CLIC5: variants seen among roughly 807,000 people sequenced by gnomAD.
The protein encoded by CLIC5 is chloride intracellular channel protein 5.
A neutral mutation model predicts 24.7 loss-of-function variants in CLIC5; 20 were observed. The ratio of observed to expected loss-of-function variants is 0.81; its 90% confidence interval spans 0.57 to 1.18. The LOEUF is 1.18. CLIC5 is among the 50% of genes most tolerant of loss of function. The pLI, the probability that CLIC5 is intolerant of heterozygous loss-of-function variation, is 0.00. For missense variants in CLIC5, 341 were observed against 326.1 expected (o/e 1.05, Z -0.35); for synonymous variants, 159 against 135.6 (o/e 1.17, Z -1.20).
chr6:46,040,793 AGCAGTTGTG>A (rs1767786971), intron 1 of CLIC5, among the ~76,000 whole-genome samples: 1 of 152,190 alleles, frequency 6.6e-6, no homozygotes, highest in Non-Finnish European at 1.5e-5. Flanking sequence ...TAGCAGTTGT[AGCAGTTGTG>A]GCAGTTGTAG....
the CLIC5 span, among the ~76,000 whole-genome samples, chr6:46,114,630 C>G: frequency 1.9e-4 from 29 of 152,184 alleles, no homozygotes; most frequent in East Asian, 5.4e-3. Context: ...CCAGACCTCC[C>G]TTTTTTCAAG....
chr6:45,964,397 T>G (rs1581798424), intron 1 of CLIC5, among the ~76,000 whole-genome samples: 1 of 152,194 alleles, frequency 6.6e-6, no homozygotes, highest in East Asian at 1.9e-4. Context: ...ATTTCCCTTC[T>G]TCTTAAAATA....
chr6:46,033,594 A>T (rs1005761179), intron 1 of CLIC5, among the ~76,000 whole-genome samples: 5 of 152,230 alleles, frequency 3.3e-5, no homozygotes, highest in African/African-American at 1.2e-4. Context: ...TAATGGGCCC[A>T]CACATGGGAA....
intron 4 of CLIC5, among the ~76,000 whole-genome samples, chr6:45,924,625 G>A (rs1369690576): frequency 6.6e-6 from 1 of 152,138 alleles, no homozygotes; most frequent in Non-Finnish European, 1.5e-5. Flanking sequence ...AAAATAGTGT[G>A]TCCTTTTTGG....
chr6:46,027,452 G>T (rs960012902), intron 1 of CLIC5, among the ~76,000 whole-genome samples: 2 of 152,138 alleles, frequency 1.3e-5, no homozygotes, highest in Non-Finnish European at 2.9e-5. Context: ...TCTACACTGT[G>T]GGATCACATT....
chr6:46,072,930 C>A (rs185867843), intron 1 of CLIC5, among the ~76,000 whole-genome samples: 141 of 152,282 alleles, frequency 9.3e-4, no homozygotes, highest in African/African-American at 3.2e-3. Context: ...CCTTCTGAAG[C>A]ATATTCATGA....
At chr6:45,950,943 T>A (rs1270819073) in intron 2 of CLIC5, among the ~76,000 whole-genome samples, 3 of 152,212 alleles carry the variant, frequency 2.0e-5, no homozygotes, top group Admixed American at 2.0e-4. Flanking sequence ...TGCCTATTTT[T>A]AAAAATTATG....
chr6:45,943,776 C>T (rs143075250), intron 3 of CLIC5, among the ~76,000 whole-genome samples: 5 of 152,070 alleles, frequency 3.3e-5, no homozygotes, highest in Admixed American at 1.3e-4. Context: ...GACAGAGGAT[C>T]GTGTATTCAG....
intron 1 of CLIC5, among the ~76,000 whole-genome samples, chr6:46,057,905 A>G (rs1768305368): frequency 1.3e-5 from 2 of 152,156 alleles, no homozygotes; most frequent in Non-Finnish European, 2.9e-5. Context: ...CCCTCACATT[A>G]CTGCTACTGC....
chr6:46,010,548 T>C (rs1025947897), intron 1 of CLIC5, among the ~76,000 whole-genome samples: 2 of 152,168 alleles, frequency 1.3e-5, no homozygotes, highest in African/African-American at 4.8e-5. Flanking sequence ...GTTTTTGACC[T>C]AACTGACTGT....
chr6:45,910,649 C>A (rs1762790372), intron 5 of CLIC5, among the ~76,000 whole-genome samples: 1 of 152,190 alleles, frequency 6.6e-6, no homozygotes, highest in African/African-American at 2.4e-5. Context: ...GCTGATAAAG[C>A]AATGGGTCGG....
chr6:45,959,105 C>T (rs1285547966), intron 1 of CLIC5, among the ~76,000 whole-genome samples: 3 of 152,190 alleles, frequency 2.0e-5, no homozygotes, highest in Admixed American at 1.3e-4. Flanking sequence ...AAGTTACCTC[C>T]TCTTGGCCTC....
At chr6:45,982,488 C>T (rs1293290087) in intron 1 of CLIC5, among the ~76,000 whole-genome samples, 1 of 152,070 alleles carries the variant, frequency 6.6e-6, no homozygotes, top group Admixed American at 6.6e-5. Flanking sequence ...CTAGATAGTT[C>T]CAGCCTACTA....
downstream of CLIC5, among the ~76,000 whole-genome samples, chr6:45,895,195 G>A (rs1376743362): frequency 6.6e-6 from 1 of 152,084 alleles, no homozygotes; most frequent in Non-Finnish European, 1.5e-5. Flanking sequence ...GAAAAAAGAT[G>A]CATTCGTTTA....
chr6:46,084,833 T>G (rs1173076198), upstream of CLIC5, among the ~76,000 whole-genome samples: 1 of 152,250 alleles, frequency 6.6e-6, no homozygotes, highest in African/African-American at 2.4e-5. Flanking sequence ...CTTGCTAGAT[T>G]GGGGAAGTTC....
chr6:45,972,224 T>A (rs1382458111), intron 1 of CLIC5, among the ~76,000 whole-genome samples: 2 of 152,182 alleles, frequency 1.3e-5, no homozygotes, highest in Non-Finnish European at 2.9e-5. Flanking sequence ...AGAAAATAAT[T>A]TAAAAAACAA....
At position 46,066,822 on chromosome 6, in the gene CLIC5, A is replaced by G. The variant is rs572546589; in HGVS notation, c.540+12881T>C. On this transcript the variant is annotated intron_variant, in intron 1 of 5. Transcript: ENST00000185206. ...TGCTTCCCAGGGAAAATGAGTTCAG[A>G]AAGATGAGGATTTAACCAGATGAAG... 2.6e-5 allele frequency among the ~76,000 whole-genome samples: 4 copies of G among 152,268 alleles called. No homozygotes were observed. In the South Asian group the frequency reaches 8.3e-4, roughly 32 times the overall value.
intron 1 of CLIC5, among the ~76,000 whole-genome samples, chr6:45,981,268 C>T (rs1765561257): frequency 6.6e-6 from 1 of 151,914 alleles, no homozygotes; most frequent in Non-Finnish European, 1.5e-5. Flanking sequence ...CGCACCTGGC[C>T]TCATTTTCTG....
At chr6:46,048,351 G>T (rs1768012442) in intron 1 of CLIC5, among the ~76,000 whole-genome samples, 1 of 152,054 alleles carries the variant, frequency 6.6e-6, no homozygotes, top group African/African-American at 2.4e-5. Context: ...CTGAAGGAGG[G>T]CTCCTTAAAA....
Sources: gnomAD v4.1 joint callset for allele counts (sites outside exome capture counted in the v4.1 genomes callset) on GRCh38, gnomAD v4.1.1 for gene constraint, MANE v1.5 for transcripts, NCBI Gene and HGNC (gene_info 2026-07-23, HGNC 2026-07-21) for gene names.